The following ERI3 variants were observed in gnomAD, a reference collection of about 807,000 sequenced individuals.
ERI3 encodes the protein ERI1 exoribonuclease 3.
In ERI3, 18 loss-of-function variants were observed where a neutral mutation model predicts 44.4. The ratio of observed to expected loss-of-function variants is 0.41; its 90% CI spans 0.28 to 0.60. ERI3 has a LOEUF of 0.60. Among genes scored for constraint, ERI3 ranks in the 20% least tolerant of loss-of-function variants. The pLI is 0.36. For synonymous variants in ERI3, 183 were observed against 164.8 expected (o/e 1.11, Z -0.84); for missense variants, 294 against 435.5 (o/e 0.68, Z 2.89).
At chr1:44,285,240 GT>G (rs1645369329) in intron 6 of ERI3, among the ~76,000 whole-genome samples, 1 of 152,216 alleles carries the variant, frequency 6.6e-6, no homozygotes, top group Admixed American at 6.5e-5. Context: ...CACAGGTACT[GT>G]TGTCTACATT....
At chr1:44,261,572 G>C (rs1268924321) in intron 7 of ERI3, among the ~76,000 whole-genome samples, 1 of 152,244 alleles carries the variant, frequency 6.6e-6, no homozygotes, top group Non-Finnish European at 1.5e-5. Context: ...GAGCGAACGA[G>C]AGCAGGCAGC....
At chr1:44,263,307 C>T (rs1644929513) in intron 7 of ERI3, among the ~76,000 whole-genome samples, 1 of 152,196 alleles carries the variant, frequency 6.6e-6, no homozygotes. Context: ...GGAGATTGTA[C>T]AGTCTCAGTG....
chr1:44,233,154 A>G (rs958793913), intron 8 of ERI3, among the ~76,000 whole-genome samples: 1 of 152,172 alleles, frequency 6.6e-6, no homozygotes, highest in Non-Finnish European at 1.5e-5. Context: ...CTGGGTATAT[A>G]AAACTGCCCA....
intron 3 of ERI3, among the ~76,000 whole-genome samples, chr1:44,320,932 C>A (rs1572272682): frequency 1.3e-5 from 2 of 152,152 alleles, no homozygotes; most frequent in East Asian, 1.9e-4. Flanking sequence ...ATAGTCAGCT[C>A]CAGCAGCACC....
intron 7 of ERI3, among the ~76,000 whole-genome samples, chr1:44,277,542 TC>T (rs1187911959): frequency 6.6e-6 from 1 of 152,358 alleles, no homozygotes; most frequent in East Asian, 1.9e-4. Context: ...TGGCTCCTGT[TC>T]CTATCATGCC....
At chr1:44,303,516 C>A (rs1645769942) in intron 6 of ERI3, among the ~76,000 whole-genome samples, 2 of 152,188 alleles carry the variant, frequency 1.3e-5, no homozygotes, top group African/African-American at 4.8e-5. Flanking sequence ...ACAGTGCTCA[C>A]AATCTAGTGC....
At position 44,241,084 on chromosome 1, in the gene ERI3, AAGGC is replaced by A. The variant is rs1644422901; in HGVS notation, c.931+6851_931+6854del. 6.6e-6 allele frequency among the ~76,000 whole-genome samples: 1 copy of A among 152,144 alleles called. No individual in the cohort carries two copies. Among genetic ancestry groups the A allele is most frequent in the Non-Finnish European group, 1.5e-5 (1 of 67,998 alleles). ...GGCTGCTGTGAATGCCACTGGAGTG[AAGGC>A]TGTCTGTGCCACTCTAGGGATTGAT... On this transcript the variant is annotated intron_variant, in intron 8 of 8. Transcript: ENST00000372257. This position sits in a 1 kb window ranked among gnomAD's most constrained non-coding sequence, Gnocchi z 5.6.
chr1:44,256,932 G>A (rs989370821), intron 7 of ERI3: 3 of 152,210 alleles, frequency 2.0e-5, no homozygotes, highest in African/African-American at 7.2e-5. Flanking sequence ...TGCAGAAGAG[G>A]GTGGCCTGTC....
intron 7 of ERI3, among the ~76,000 whole-genome samples, chr1:44,264,779 G>T (rs1194075172): frequency 6.6e-6 from 1 of 152,196 alleles, no homozygotes; most frequent in African/African-American, 2.4e-5. Context: ...CCACGCTGAT[G>T]CATCTCCACA....
At chr1:44,300,280 A>G (rs1350881323) in intron 6 of ERI3, among the ~76,000 whole-genome samples, 3 of 152,198 alleles carry the variant, frequency 2.0e-5, no homozygotes, top group African/African-American at 7.2e-5. Flanking sequence ...TTTCCATTCC[A>G]GGGGTTCCTA....
intron 7 of ERI3, among the ~76,000 whole-genome samples, chr1:44,276,608 C>G (rs1375781897): frequency 1.3e-5 from 2 of 152,184 alleles, no homozygotes; most frequent in African/African-American, 4.8e-5. Flanking sequence ...AATTCAGACA[C>G]CTATTCTCTA....
chr1:44,287,590 G>T (rs1413038781), intron 6 of ERI3, among the ~76,000 whole-genome samples: 2 of 152,244 alleles, frequency 1.3e-5, no homozygotes, highest in African/African-American at 4.8e-5. Context: ...CCAACATGAT[G>T]AAGGGGTATC....
intron 5 of ERI3, among the ~76,000 whole-genome samples, chr1:44,312,311 A>G (rs991625935): frequency 2.0e-5 from 3 of 152,178 alleles, no homozygotes; most frequent in South Asian, 2.1e-4. Context: ...GTCTTAAAAA[A>G]TAAATAAAGC....
At chr1:44,281,601 A>AAAATATATAT (rs1460400186) in intron 7 of ERI3, among the ~76,000 whole-genome samples, 183 of 127,986 alleles carry the variant, frequency 1.4e-3, no homozygotes, top group African/African-American at 4.0e-3. Flanking sequence ...AAAAAAAAAA[A>AAAATATATAT]ATATATATAT....
chr1:44,321,554 C>A (rs1363286135), intron 3 of ERI3, among the ~76,000 whole-genome samples: 1 of 152,084 alleles, frequency 6.6e-6, no homozygotes, highest in African/African-American at 2.4e-5. Flanking sequence ...CACATTGGTC[C>A]CCCTGCAAAA....
intron 4 of ERI3, among the ~76,000 whole-genome samples, chr1:44,316,607 C>T (rs1157768903): frequency 1.3e-5 from 2 of 152,216 alleles, no homozygotes; most frequent in African/African-American, 4.8e-5. Context: ...GACACCAAGA[C>T]AGTTTGTTGA....
chr1:44,237,082 C>G (rs1644321876), intron 8 of ERI3, among the ~76,000 whole-genome samples: 1 of 152,180 alleles, frequency 6.6e-6, no homozygotes, highest in Non-Finnish European at 1.5e-5. Context: ...GGCCCGGGGA[C>G]TTGTGAGAAG....
intron 5 of ERI3, among the ~76,000 whole-genome samples, chr1:44,309,237 G>A (rs1183431563): frequency 1.3e-5 from 2 of 152,156 alleles, no homozygotes; most frequent in African/African-American, 4.8e-5. Flanking sequence ...GCTCAGGCCT[G>A]TAATCCCAGC....
rs1183173509 is a variant in ERI3, at chr1:44,293,050, TCAC to T, written c.759-8146_759-8144del. Among the ~76,000 whole-genome samples, 14 of 152,348 alleles carry T rather than the reference TCAC, an allele frequency of 9.2e-5. No individual in the cohort carries two copies. In the East Asian group the frequency reaches 1.9e-3, roughly 21 times the overall value. On this transcript the variant is annotated intron_variant, in intron 6 of 8. Transcript: ENST00000372257. The stretch of plus-strand genomic sequence containing the variant: ...GCCTGTCAGGGAACACTAATGAATT[TCAC>T]CACCAACAGCCAGGCTTCAGATGGG...
Sources: gnomAD v4.1 joint callset for allele counts (sites outside exome capture counted in the v4.1 genomes callset) on GRCh38, gnomAD v4.1.1 for gene constraint, Gnocchi (gnomAD v3.1) non-coding constraint, MANE v1.5 for transcripts, NCBI Gene and HGNC (gene_info 2026-07-23, HGNC 2026-07-21) for gene names.